The following ABCC11 variants were observed in gnomAD, a reference collection of about 807,000 sequenced individuals.
ABCC11 encodes ATP-binding cassette sub-family C member 11.
ABCC11 carries 135 observed loss-of-function variants against 149.3 expected under a neutral mutation model. The ratio of observed to expected loss-of-function variants is 0.90; its 90% CI spans 0.79 to 1.04. The LOEUF (loss-of-function observed/expected upper bound fraction) is 1.04, where lower values mean the gene tolerates loss of function less well. ABCC11 is among the 50% of genes least tolerant of loss of function. ABCC11 has a pLI of 0.00. For missense variants in ABCC11, 1,680 were observed against 1,722.1 expected (o/e 0.98, Z 0.43); for synonymous variants, 665 against 671.4 (o/e 0.99, Z 0.15).
intron 6 of ABCC11, among the ~76,000 whole-genome samples, chr16:48,221,845 G>A (rs368256142): frequency 4.6e-5 from 7 of 152,002 alleles, no homozygotes; most frequent in East Asian, 3.9e-4. Flanking sequence ...GGGCTCAAGC[G>A]ATCCTCCTGC....
intron 10 of ABCC11, among the ~76,000 whole-genome samples, chr16:48,212,426 G>GA (rs924520111): frequency 1.3e-5 from 2 of 151,754 alleles, no homozygotes; most frequent in African/African-American, 2.4e-5. Flanking sequence ...AATGAGCTAA[G>GA]AAAAAAAACA....
At chr16:48,194,004 T>C (rs538667661) in intron 18 of ABCC11, 22 bp from the exon 19 acceptor site, 3 of 1,571,844 alleles carry the variant, frequency 1.9e-6, no homozygotes, top group South Asian at 2.2e-5. Flanking sequence ...ACAGTGGTGA[T>C]GTACAAGTGC....
chr16:48,187,519 G>C, intron 20 of ABCC11, 92 bp from the exon 21 acceptor site: 1 of 1,115,804 alleles, frequency 9.0e-7, no homozygotes, highest in Non-Finnish European at 1.3e-6. Context: ...ACTCTAAAGA[G>C]CCACGGATCC....
chr16:48,184,325 G>A (rs971742287), intron 23 of ABCC11, 115 bp downstream of exon 23: 61 of 1,278,400 alleles, frequency 4.8e-5, no homozygotes, highest in Middle Eastern at 2.8e-4. Context: ...AAGATCACAC[G>A]TGGCCAGAGC....
intron 6 of ABCC11, among the ~76,000 whole-genome samples, chr16:48,217,880 AT>A (rs538621938): frequency 1.9e-4 from 29 of 151,964 alleles, no homozygotes; most frequent in African/African-American, 6.5e-4. Flanking sequence ...TGGCAATTTC[AT>A]TTTTCTGTTG....
intron 22 of ABCC11, among the ~76,000 whole-genome samples, chr16:48,185,315 T>G (rs1200086065): frequency 6.6e-6 from 1 of 152,230 alleles, no homozygotes; most frequent in African/African-American, 2.4e-5. Flanking sequence ...TCTACCTAAT[T>G]TAGCAATTGT....
chr16:48,194,031 G>A, intron 18 of ABCC11, 49 bp from the exon 19 acceptor site: 2 of 1,405,446 alleles, frequency 1.4e-6, no homozygotes, highest in Non-Finnish European at 2.0e-6. Context: ...CAGGTGCGAG[G>A]CAACTGCTGA....
chr16:48,196,190 G>T, intron 18 of ABCC11, 42 bp downstream of exon 18: 1 of 1,597,758 alleles, frequency 6.3e-7, no homozygotes, highest in Non-Finnish European at 8.6e-7. Context: ...CAGGGATAGG[G>T]CTGCTCCAAG....
chr16:48,211,409 G>T (rs1362153925), intron 10 of ABCC11, among the ~76,000 whole-genome samples: 1 of 152,126 alleles, frequency 6.6e-6, no homozygotes, highest in Non-Finnish European at 1.5e-5. Context: ...AGACCACCGG[G>T]CCACTCTTCC....
At chr16:48,220,725 T>C (rs1969678976) in intron 6 of ABCC11, among the ~76,000 whole-genome samples, 1 of 152,190 alleles carries the variant, frequency 6.6e-6, no homozygotes, top group Non-Finnish European at 1.5e-5. Context: ...GTAATAACCA[T>C]AATGATTCCA....
At chr16:48,220,602 T>G (rs1470761761) in intron 6 of ABCC11, among the ~76,000 whole-genome samples, 1 of 152,176 alleles carries the variant, frequency 6.6e-6, no homozygotes, top group Non-Finnish European at 1.5e-5. Flanking sequence ...ATGTACAAAC[T>G]CACTGAATCC....
At chr16:48,237,774 A>C (rs1596864411) in intron 1 of ABCC11, among the ~76,000 whole-genome samples, 1 of 151,966 alleles carries the variant, frequency 6.6e-6, no homozygotes, top group Non-Finnish European at 1.5e-5. Flanking sequence ...TTCCTCAAAC[A>C]CCCTAAATTC....
intron 10 of ABCC11, among the ~76,000 whole-genome samples, chr16:48,213,175 T>C (rs1048912214): frequency 6.6e-6 from 1 of 152,248 alleles, no homozygotes; most frequent in African/African-American, 2.4e-5. Flanking sequence ...GGTAACTCTA[T>C]GCAAACCTGG....
chr16:48,189,709 G>A (rs1023267263), intron 20 of ABCC11, among the ~76,000 whole-genome samples: 5 of 152,160 alleles, frequency 3.3e-5, no homozygotes, highest in South Asian at 2.1e-4. Context: ...CTTGAGGGCC[G>A]AGGGCCACCC....
chr16:48,177,073 C>T lies in ABCC11; in HGVS notation c.3389G>A (p.Ser1130Asn), dbSNP rs749337499. ...ATGCTGTGGCCACCCCTGGGGACAA[C>T]TTGTGCCTTCCATGTGTAAAGGAGC... Reference protein sequence around the residue: ...SEAPLHMEGTSCPQGWPQHGE... With the variant: ...SEAPLHMEGTNCPQGWPQHGE... Residue 1130 changes from serine to asparagine, a missense_variant, in exon 25 of 30, where the codon AGT becomes AAT. Transcript: ENST00000356608. The T allele has an allele frequency of 1.2e-5, 20 of 1,614,038 alleles. No homozygotes were observed. Among genetic ancestry groups the T allele is most frequent in the Non-Finnish European group, 1.7e-5 (20 of 1,179,988 alleles).
chr16:48,208,251 T>C (rs1259099317), intron 12 of ABCC11, among the ~76,000 whole-genome samples, 174 bp downstream of exon 12: 3 of 152,174 alleles, frequency 2.0e-5, no homozygotes, highest in Non-Finnish European at 4.4e-5. Flanking sequence ...GAGGGCCACC[T>C]TGATCACGCA....
intron 24 of ABCC11, among the ~76,000 whole-genome samples, chr16:48,178,224 T>C (rs576269723): frequency 6.6e-6 from 1 of 152,346 alleles, no homozygotes; most frequent in South Asian, 2.1e-4. Flanking sequence ...AGCTTAGACT[T>C]GAACCCAGGA....
chr16:48,204,632 C>T (rs1261832598), intron 13 of ABCC11, among the ~76,000 whole-genome samples: 1 of 152,056 alleles, frequency 6.6e-6, no homozygotes, highest in African/African-American at 2.4e-5. Flanking sequence ...TGGTATTGGA[C>T]ATAATTGTGA....
intron 1 of ABCC11, among the ~76,000 whole-genome samples, chr16:48,246,347 T>C (rs1244563856): frequency 6.6e-6 from 1 of 152,216 alleles, no homozygotes; most frequent in Non-Finnish European, 1.5e-5. Flanking sequence ...CTCTGCTCCT[T>C]CTGCTTACTT....
Sources: allele counts gnomAD v4.1 joint callset (sites outside exome capture counted in the v4.1 genomes callset), GRCh38; gene constraint gnomAD v4.1.1; transcripts MANE v1.5; gene names NCBI Gene and HGNC (gene_info 2026-07-23, HGNC 2026-07-21).